MGMT: variants seen among roughly 807,000 people sequenced by gnomAD.
The protein encoded by MGMT is methylated-DNA--protein-cysteine methyltransferase.
Under a neutral mutation model 15.9 loss-of-function variants are expected in MGMT, and 14 were observed. The observed-to-expected ratio is 0.88, with a 90% confidence interval of 0.58 to 1.37. The LOEUF is 1.37. Among genes scored for constraint, MGMT ranks in the 40% most tolerant of loss-of-function variants. The probability of loss-of-function intolerance (pLI) is 0.00; values close to 1 mark genes in which losing one functional copy is unlikely to be tolerated. For missense variants in MGMT, 282 were observed against 268.1 expected, an observed-to-expected ratio of 1.05 and a Z score of -0.36; for synonymous variants, 130 against 118.2, an observed-to-expected ratio of 1.10 and a Z score of -0.65.
At position 129,556,675 on chromosome 10, in the gene MGMT, A is replaced by G. The variant is rs1846217874; in HGVS notation, c.125+20298A>G. On this transcript the variant is annotated intron_variant, in intron 2 of 4. Coordinates refer to ENST00000651593, the MANE Select transcript of MGMT (RefSeq NM_002412.5). The surrounding 1 kb of genome is among the most constrained non-coding windows in gnomAD (Gnocchi z 4.3). ...CATAAACACCGACGGCAAAGTCAGG[A>G]CGGGCAGGAGCGTTCTAGGCAAATG... 6.6e-6 allele frequency among the ~76,000 whole-genome samples: 1 copy of G among 152,300 alleles called. No homozygotes were observed. Among genetic ancestry groups the G allele is most frequent in the East Asian group, 1.9e-4 (1 of 5,170 alleles).
At chr10:129,579,395 G>A (rs1846525441) in intron 2 of MGMT, among the ~76,000 whole-genome samples, 1 of 152,168 alleles carries the variant, frequency 6.6e-6, no homozygotes, top group Non-Finnish European at 1.5e-5. Flanking sequence ...ATGGAGGGTG[G>A]GCAGAGCTTT....
intron 3 of MGMT, among the ~76,000 whole-genome samples, chr10:129,716,248 C>T (rs79793863): frequency 0.045 from 6,848 of 152,274 alleles, 457 homozygotes; most frequent in African/African-American, 0.15. Context: ...ATTGGTAACG[C>T]CCAGGAAGCA....
At chr10:129,547,060 A>T (rs1204089072) in intron 2 of MGMT, among the ~76,000 whole-genome samples, 1 of 152,192 alleles carries the variant, frequency 6.6e-6, no homozygotes, top group Non-Finnish European at 1.5e-5. Flanking sequence ...GCAGAAACAC[A>T]GTTTATCACA....
At chr10:129,489,963 C>T (rs1250031722) in intron 1 of MGMT, among the ~76,000 whole-genome samples, 9 of 151,828 alleles carry the variant, frequency 5.9e-5, no homozygotes, top group Admixed American at 2.0e-4. Context: ...CATTTTAAGT[C>T]GATGTGGGGA....
At chr10:129,544,403 C>T (rs1004659886) in intron 2 of MGMT, among the ~76,000 whole-genome samples, 3 of 152,264 alleles carry the variant, frequency 2.0e-5, no homozygotes, top group African/African-American at 2.4e-5. Context: ...CTGCGGCTTT[C>T]ACCCTCAGGA....
intron 2 of MGMT, among the ~76,000 whole-genome samples, chr10:129,585,857 C>G (rs1041807365): frequency 6.6e-5 from 10 of 152,154 alleles, no homozygotes; most frequent in Non-Finnish European, 1.2e-4. Context: ...CAGCAGCAGT[C>G]TATGGAACCA....
chr10:129,664,504 T>C (rs1280229231), intron 2 of MGMT, among the ~76,000 whole-genome samples: 4 of 152,254 alleles, frequency 2.6e-5, no homozygotes, highest in Non-Finnish European at 5.9e-5. Flanking sequence ...CATGCACATA[T>C]GTACACACTT....
At chr10:129,663,504 GAGAAGGAAAAAGCATTT>G (rs1847623770) in intron 2 of MGMT, among the ~76,000 whole-genome samples, 1 of 152,004 alleles carries the variant, frequency 6.6e-6, no homozygotes, top group African/African-American at 2.4e-5. Context: ...TAACGAAGTA[GAGAAGGAAAAAGCATTT>G]ATTTAATCAG....
At chr10:129,528,993 A>G (rs1313248771) in intron 1 of MGMT, among the ~76,000 whole-genome samples, 1 of 152,176 alleles carries the variant, frequency 6.6e-6, no homozygotes, top group Non-Finnish European at 1.5e-5. Flanking sequence ...TGTAAGGAAA[A>G]TAAGGCAGAG....
intron 2 of MGMT, among the ~76,000 whole-genome samples, chr10:129,569,894 A>G (rs12241553): frequency 0.048 from 7,321 of 152,300 alleles, 616 homozygotes; most frequent in African/African-American, 0.17. Context: ...AGCCACCAAC[A>G]CATTCACACA....
chr10:129,629,516 T>A (rs1847187580), intron 2 of MGMT, among the ~76,000 whole-genome samples: 1 of 152,246 alleles, frequency 6.6e-6, no homozygotes, highest in Non-Finnish European at 1.5e-5. Flanking sequence ...GGATGGGGTC[T>A]TAGCTCACTT....
chr10:129,491,247 A>G (rs1008460309), intron 1 of MGMT, among the ~76,000 whole-genome samples: 4 of 152,132 alleles, frequency 2.6e-5, no homozygotes, highest in Admixed American at 6.5e-5. Context: ...TGAGTTAGCA[A>G]TTCTTTACCT....
chr10:129,538,550 G>A (rs551951228), intron 2 of MGMT, among the ~76,000 whole-genome samples: 41 of 152,100 alleles, frequency 2.7e-4, no homozygotes, highest in Non-Finnish European at 4.7e-4. Context: ...GTTCTAATTT[G>A]CACTTTGCTG....
intron 2 of MGMT, among the ~76,000 whole-genome samples, chr10:129,630,912 T>C (rs1221918760): frequency 1.3e-5 from 2 of 152,234 alleles, no homozygotes; most frequent in African/African-American, 4.8e-5. Context: ...AAATAGTTGC[T>C]TTATTTTGTA....
chr10:129,687,431 A>G (rs962085407), intron 2 of MGMT, among the ~76,000 whole-genome samples: 1 of 152,196 alleles, frequency 6.6e-6, no homozygotes, highest in African/African-American at 2.4e-5. Context: ...TAAGCAAAAG[A>G]AGAAAGCTCT....
At chr10:129,746,405 A>G (rs1848696995) in intron 3 of MGMT, among the ~76,000 whole-genome samples, 1 of 151,606 alleles carries the variant, frequency 6.6e-6, no homozygotes, top group Admixed American at 6.6e-5. Flanking sequence ...ACCCCAGGTC[A>G]TGAAGATTTG....
chr10:129,584,890 G>C (rs1435611414), intron 2 of MGMT, among the ~76,000 whole-genome samples: 2 of 152,164 alleles, frequency 1.3e-5, no homozygotes, highest in African/African-American at 4.8e-5. Flanking sequence ...CATCAGTTAA[G>C]TCAGTTTCGC....
At chr10:129,719,634 C>A (rs947407808) in intron 3 of MGMT, among the ~76,000 whole-genome samples, 14 of 152,138 alleles carry the variant, frequency 9.2e-5, no homozygotes, top group African/African-American at 2.7e-4. Flanking sequence ...CATAATCTCC[C>A]CTTCTTAGAA....
At chr10:129,592,407 T>C (rs943333296) in intron 2 of MGMT, among the ~76,000 whole-genome samples, 2 of 152,244 alleles carry the variant, frequency 1.3e-5, no homozygotes, top group African/African-American at 4.8e-5. Context: ...GGTAGTGTGC[T>C]GTGGCTGAAA....
Sources: gnomAD v4.1 joint callset for allele counts (sites outside exome capture counted in the v4.1 genomes callset) on GRCh38, gnomAD v4.1.1 for gene constraint, Gnocchi (gnomAD v3.1) non-coding constraint, MANE v1.5 for transcripts, NCBI Gene and HGNC (gene_info 2026-07-23, HGNC 2026-07-21) for gene names.